The following LIN52 variants were observed in gnomAD, a reference collection of about 807,000 sequenced individuals.
LIN52 encodes protein lin-52 homolog.
Under a neutral mutation model 18.5 loss-of-function variants are expected in LIN52, and 4 were observed. That is an observed-to-expected ratio of 0.22 (90% CI 0.11 to 0.49). The LOEUF is 0.49. LIN52 is among the 20% of genes least tolerant of loss of function. LIN52 has a pLI of 0.97. For synonymous variants in LIN52, 34 were observed against 45.5 expected (o/e 0.75, Z 1.02); for missense variants, 102 against 139.5 (o/e 0.73, Z 1.35).
intron 5 of LIN52, among the ~76,000 whole-genome samples, chr14:74,188,364 C>T (rs1425678670): frequency 6.6e-6 from 1 of 152,076 alleles, no homozygotes; most frequent in Non-Finnish European, 1.5e-5. Context: ...ATAATACCCG[C>T]TCACAGCCCA....
At chr14:74,099,994 T>C (rs139919871) in intron 4 of LIN52, among the ~76,000 whole-genome samples, 171 of 152,394 alleles carry the variant, frequency 1.1e-3, no homozygotes, top group African/African-American at 3.8e-3. Context: ...TGCTGTCTTT[T>C]TACTTAGTAA....
intron 5 of LIN52, among the ~76,000 whole-genome samples, chr14:74,157,392 G>A (rs1283120043): frequency 4.0e-5 from 6 of 151,340 alleles, no homozygotes; most frequent in Non-Finnish European, 7.4e-5. Context: ...CTGTATCTTG[G>A]CTAACCACAG....
intron 5 of LIN52, among the ~76,000 whole-genome samples, chr14:74,160,243 C>G (rs542081583): frequency 6.6e-6 from 1 of 152,180 alleles, no homozygotes; most frequent in Non-Finnish European, 1.5e-5. Context: ...AAGATGCCAT[C>G]TACAAGCCAA....
intron 5 of LIN52, among the ~76,000 whole-genome samples, chr14:74,130,174 A>T (rs915766950): frequency 6.6e-6 from 1 of 151,852 alleles, no homozygotes; most frequent in Non-Finnish European, 1.5e-5. Flanking sequence ...TGAGATTTGG[A>T]TGTGAACAAA....
intron 5 of LIN52, among the ~76,000 whole-genome samples, chr14:74,154,789 T>G (rs529547238): frequency 2.0e-5 from 3 of 152,318 alleles, no homozygotes; most frequent in Non-Finnish European, 4.4e-5. Flanking sequence ...TAGTTACTAG[T>G]GTAAGATGAA....
intron 5 of LIN52, among the ~76,000 whole-genome samples, chr14:74,147,513 TGTG>T (rs2061157303): frequency 6.6e-6 from 1 of 152,146 alleles, no homozygotes; most frequent in Non-Finnish European, 1.5e-5. Flanking sequence ...GTAGGACAGG[TGTG>T]GTGACTTACG....
intron 5 of LIN52, among the ~76,000 whole-genome samples, chr14:74,157,757 A>G (rs1438092641): frequency 2.6e-5 from 4 of 152,066 alleles, no homozygotes; most frequent in Admixed American, 2.6e-4. Flanking sequence ...GGGTCCTACA[A>G]GATAACATTC....
chr14:74,140,337 C>T (rs2061122663), intron 5 of LIN52, among the ~76,000 whole-genome samples: 1 of 152,148 alleles, frequency 6.6e-6, no homozygotes. Flanking sequence ...TTTACCTCCT[C>T]GATCCATATT....
intron 5 of LIN52, among the ~76,000 whole-genome samples, chr14:74,180,223 T>C (rs2061312401): frequency 6.6e-6 from 1 of 151,834 alleles, no homozygotes; most frequent in African/African-American, 2.4e-5. Context: ...GGACAAACTC[T>C]TGGTGAGCAA....
intron 5 of LIN52, among the ~76,000 whole-genome samples, chr14:74,183,512 T>C (rs562583884): frequency 6.6e-6 from 1 of 152,348 alleles, no homozygotes; most frequent in Non-Finnish European, 1.5e-5. Context: ...ATGTTGCTTC[T>C]AACTTATGAA....
chr14:74,166,814 A>G (rs2061251662), intron 5 of LIN52, among the ~76,000 whole-genome samples: 2 of 152,224 alleles, frequency 1.3e-5, no homozygotes, highest in Admixed American at 6.5e-5. Flanking sequence ...AATTTTCATT[A>G]TTAAGGTCCT....
chr14:74,183,358 C>A (rs2061327452), intron 5 of LIN52, among the ~76,000 whole-genome samples: 1 of 152,128 alleles, frequency 6.6e-6, no homozygotes, highest in Non-Finnish European at 1.5e-5. Context: ...CTCGGCCTCC[C>A]AAAGTGCTGG....
intron 5 of LIN52, 37 bp downstream of exon 5, chr14:74,101,275 C>A: frequency 6.9e-7 from 1 of 1,453,796 alleles, no homozygotes; most frequent in Non-Finnish European, 9.4e-7. Flanking sequence ...GGGGTGTATT[C>A]CACCCTGAGC....
rs68037994 is a variant in LIN52, at chr14:74,190,389, C to CTTTTTTTTTT, written c.284-8522_284-8513dup. 2.4e-3 allele frequency among the ~76,000 whole-genome samples: 250 copies of CTTTTTTTTTT among 106,280 alleles called. 4 individuals carry two copies. Among genetic ancestry groups the CTTTTTTTTTT allele is most frequent in the East Asian group, 9.5e-3 (28 of 2,934 alleles). 69.7% of individuals were successfully genotyped at this position (106,280 alleles called of 152,430 possible). A position where few individuals can be genotyped will look rare whatever the true frequency, so the allele number is the denominator to read the frequency against. ...GAAATGTTTTATTATGCCTAAATAA[C>CTTTTTTTTTT]TTTTTTTTTTTTTTTTTTTTGAGAC... On this transcript the variant is annotated intron_variant, in intron 5 of 5. Transcript: ENST00000555028.
intron 5 of LIN52, among the ~76,000 whole-genome samples, chr14:74,193,719 G>A (rs962463945): frequency 1.2e-4 from 18 of 152,040 alleles, no homozygotes; most frequent in Admixed American, 3.3e-4. Context: ...AATGAGGAAA[G>A]GAGCTCAGAA....
At chr14:74,117,509 G>A (rs1379458566) in intron 5 of LIN52, among the ~76,000 whole-genome samples, 1 of 151,620 alleles carries the variant, frequency 6.6e-6, no homozygotes, top group East Asian at 1.9e-4. Flanking sequence ...AGTAGTTTTT[G>A]TATAACAAAG....
intron 5 of LIN52, among the ~76,000 whole-genome samples, chr14:74,195,569 T>TGC (rs1446576753): frequency 3.3e-5 from 5 of 151,420 alleles, no homozygotes; most frequent in Admixed American, 6.6e-5. Context: ...TGTGTGTGTG[T>TGC]GTGTGTGCGC....
chr14:74,095,173 A>G (rs1448489471), intron 2 of LIN52, among the ~76,000 whole-genome samples: 2 of 81,554 alleles, frequency 2.5e-5, no homozygotes, highest in Non-Finnish European at 4.7e-5. Context: ...TTTTTTTGAG[A>G]CAGGGTCTTC....
chr14:74,138,936 T>G (rs1595171779), intron 5 of LIN52, among the ~76,000 whole-genome samples: 1 of 31,226 alleles, frequency 3.2e-5, no homozygotes, highest in Admixed American at 3.1e-4. Context: ...CAAGGTAGCA[T>G]TTTTTTTTTT....
Sources: gnomAD v4.1 joint callset for allele counts (sites outside exome capture counted in the v4.1 genomes callset) on GRCh38, gnomAD v4.1.1 for gene constraint, MANE v1.5 for transcripts, NCBI Gene and HGNC (gene_info 2026-07-23, HGNC 2026-07-21) for gene names.